The following TENM2 variants were observed in gnomAD, a reference collection of about 807,000 sequenced individuals.
TENM2 encodes the protein teneurin transmembrane protein 2.
In TENM2, 52 loss-of-function variants were observed where a neutral mutation model predicts 245.2. The observed-to-expected ratio is 0.21, with a 90% confidence interval of 0.17 to 0.27. The LOEUF (loss-of-function observed/expected upper bound fraction) is 0.27. Ranked by LOEUF, TENM2 falls within the 10% of genes least tolerant of loss-of-function variation. TENM2 has a pLI of 1.00. For missense variants in TENM2, 3,046 were observed against 3,666.8 expected, an observed-to-expected ratio of 0.83 and a Z score of 4.37; for synonymous variants, 1,363 against 1,438.9, an observed-to-expected ratio of 0.95 and a Z score of 1.19.
rs567495517 is a variant in TENM2 at position 167,390,420 on chromosome 5, G to A, written c.502+14947G>A. On this transcript the variant is annotated intron_variant, in intron 2 of 28. Coordinates refer to ENST00000518659, the Ensembl canonical transcript of TENM2. The stretch of plus-strand genomic sequence containing the variant: ...ACTAAGACAGTCTGCAAGGCACCTT[G>A]AGGAGACAGAATCGAGTAAATTATG... 1.6e-4 allele frequency among the ~76,000 whole-genome samples: 25 copies of A among 152,276 alleles called. 1 individual carries two copies. In the South Asian group the frequency reaches 5.0e-3, roughly 30 times the overall value.
At chr5:167,088,091 G>A in the TENM2 span, among the ~76,000 whole-genome samples, 2 of 152,066 alleles carry the variant, frequency 1.3e-5, no homozygotes, top group Non-Finnish European at 2.9e-5. Flanking sequence ...CCCAGCCATG[G>A]AGCAATATCT....
chr5:167,520,077 T>C (rs551410300), intron 2 of TENM2, among the ~76,000 whole-genome samples: 9 of 152,322 alleles, frequency 5.9e-5, no homozygotes, highest in African/African-American at 2.2e-4. Context: ...AAACATTTCA[T>C]TGAAGTTAAA....
chr5:167,150,191 C>G, the TENM2 span, among the ~76,000 whole-genome samples: 6 of 152,094 alleles, frequency 3.9e-5, no homozygotes, highest in Non-Finnish European at 8.8e-5. Context: ...ACTCTATGGC[C>G]TACTCATTTC....
intron 2 of TENM2, among the ~76,000 whole-genome samples, chr5:167,439,020 C>G (rs1485624500): frequency 1.3e-5 from 2 of 151,370 alleles, no homozygotes; most frequent in Non-Finnish European, 2.9e-5. Context: ...TCTCAAACTC[C>G]TGACCTCAGG....
At chr5:167,363,730 C>CAAAAAAAAAA (rs10659741) in intron 1 of TENM2, among the ~76,000 whole-genome samples, 30 of 89,050 alleles carry the variant, frequency 3.4e-4, no homozygotes, top group Admixed American at 1.1e-3. Context: ...GACTCCATCT[C>CAAAAAAAAAA]AAAAAAAAAA....
intron 2 of TENM2, among the ~76,000 whole-genome samples, chr5:167,622,049 A>C (rs769161943): frequency 3.3e-5 from 5 of 152,216 alleles, no homozygotes; most frequent in Non-Finnish European, 5.9e-5. Context: ...TGTTTACACT[A>C]TTTTATATAC....
At chr5:167,974,660 C>G (rs147845589) in intron 4 of TENM2, among the ~76,000 whole-genome samples, 1 of 152,098 alleles carries the variant, frequency 6.6e-6, no homozygotes, top group African/African-American at 2.4e-5. Context: ...TATGAGGAAA[C>G]GAAGATGTAA....
intron 2 of TENM2, among the ~76,000 whole-genome samples, chr5:167,540,983 A>T (rs2127604056): frequency 6.6e-6 from 1 of 152,298 alleles, no homozygotes; most frequent in Non-Finnish European, 1.5e-5. Context: ...TTCCTTAGAA[A>T]GGTTCCTAAA....
the TENM2 span, among the ~76,000 whole-genome samples, chr5:167,209,889 A>C: frequency 1.3e-5 from 2 of 152,280 alleles, no homozygotes; most frequent in South Asian, 4.1e-4. Flanking sequence ...ATCAACCCTC[A>C]GTGGCCACTG....
At chr5:167,835,292 GC>G (rs1199729112) in intron 2 of TENM2, among the ~76,000 whole-genome samples, 1 of 152,166 alleles carries the variant, frequency 6.6e-6, no homozygotes, top group East Asian at 1.9e-4. Flanking sequence ...ATTTATCTTT[GC>G]TTCAGTCTTT....
Position 168,007,318 on chromosome 5 carries a change from G to A in TENM2, c.1186+14136G>A, listed in dbSNP as rs369348430. Among the ~76,000 whole-genome samples the A allele has an allele frequency of 1.4e-4, 21 of 152,196 alleles. No homozygotes were observed. In the East Asian group the frequency reaches 3.5e-3, roughly 25 times the overall value. On this transcript the variant is annotated intron_variant, in intron 5 of 28. Transcript: ENST00000518659. ...TAATTTTTGTATTTTTAGTAGAGAC[G>A]TGGTTTCACCATGTTGGCCAGGCTC...
At chr5:168,046,234 A>T (rs962861553) in intron 5 of TENM2, among the ~76,000 whole-genome samples, 11 of 152,294 alleles carry the variant, frequency 7.2e-5, no homozygotes, top group African/African-American at 2.4e-4. Flanking sequence ...TTTCCTAAGC[A>T]TTGTTAATTG....
intron 1 of TENM2, among the ~76,000 whole-genome samples, chr5:167,344,172 A>G (rs1338859164): frequency 6.7e-6 from 1 of 148,850 alleles, no homozygotes; most frequent in African/African-American, 2.5e-5. Context: ...TTATATATAT[A>G]TAAAGTAGAG....
At chr5:167,659,570 C>T (rs1440883839) in intron 2 of TENM2, among the ~76,000 whole-genome samples, 2 of 152,088 alleles carry the variant, frequency 1.3e-5, no homozygotes, top group East Asian at 1.9e-4. Context: ...AAACACTATT[C>T]GTTTTATTTC....
chr5:167,107,082 T>TA, the TENM2 span, among the ~76,000 whole-genome samples: 4 of 66,016 alleles, frequency 6.1e-5, no homozygotes, highest in African/African-American at 2.4e-4. Flanking sequence ...CCATCTCTAC[T>TA]AAAAAATACA....
chr5:167,730,191 A>G (rs1760320838), intron 2 of TENM2, among the ~76,000 whole-genome samples: 1 of 152,152 alleles, frequency 6.6e-6, no homozygotes, highest in Non-Finnish European at 1.5e-5. Context: ...TACTACAGAA[A>G]CCTATTTATG....
the TENM2 span, among the ~76,000 whole-genome samples, chr5:167,065,070 A>G: frequency 6.6e-6 from 1 of 152,198 alleles, no homozygotes; most frequent in African/African-American, 2.4e-5. Flanking sequence ...TAATAAAAAT[A>G]AAGTAAATTT....
At chr5:167,860,883 G>A (rs1236603772) in intron 2 of TENM2, among the ~76,000 whole-genome samples, 3 of 113,542 alleles carry the variant, frequency 2.6e-5, no homozygotes, top group Non-Finnish European at 5.3e-5. Context: ...CTAATCTCAA[G>A]TAATCAGGGA....
intron 2 of TENM2, among the ~76,000 whole-genome samples, chr5:167,488,635 C>T (rs1768233893): frequency 1.3e-5 from 2 of 152,278 alleles, no homozygotes; most frequent in South Asian, 2.1e-4. Context: ...ACACTTCACT[C>T]TATGAAATCC....
Sources: gnomAD v4.1 joint callset for allele counts (sites outside exome capture counted in the v4.1 genomes callset) on GRCh38, gnomAD v4.1.1 for gene constraint, MANE v1.5 for transcripts, NCBI Gene and HGNC (gene_info 2026-07-23, HGNC 2026-07-21) for gene names.